Variants in TERB2 observed in about 807,000 individuals in gnomAD.
The protein encoded by TERB2 is telomere repeats-binding bouquet formation protein 2.
In TERB2, 26 loss-of-function variants were observed where a neutral mutation model predicts 29.8. The observed-to-expected ratio is 0.87, with a 90% CI of 0.64 to 1.21. TERB2 has a LOEUF of 1.21. Among genes scored for constraint, TERB2 ranks in the 50% most tolerant of loss-of-function variants. The probability of loss-of-function intolerance (pLI) is 0.00; values close to 1 mark genes in which losing one functional copy is unlikely to be tolerated. For missense variants in TERB2, 240 were observed against 268.6 expected (o/e 0.89, Z 0.74); for synonymous variants, 80 against 90.8 (o/e 0.88, Z 0.68).
At chr15:44,966,278 C>T in intron 5 of TERB2, 35 bp downstream of exon 5, 1 of 1,344,740 alleles carries the variant, frequency 7.4e-7, no homozygotes, top group Non-Finnish European at 9.9e-7. Context: ...ATATTCAATT[C>T]AATGTAGAAA....
At chr15:44,961,215 T>TATAC (rs1348617987) in intron 3 of TERB2, among the ~76,000 whole-genome samples, 78 of 132,796 alleles carry the variant, frequency 5.9e-4, no homozygotes, top group African/African-American at 1.8e-3. Flanking sequence ...TATATATATA[T>TATAC]ACACACACAC....
chr15:44,972,845 C>A (rs58282486), intron 5 of TERB2, among the ~76,000 whole-genome samples: 27,456 of 151,092 alleles, frequency 0.18, 2,886 homozygotes, highest in East Asian at 0.33. Flanking sequence ...TAAGAATATA[C>A]ATTTTTTTAG....
chr15:44,971,825 C>T (rs531536965), intron 5 of TERB2, among the ~76,000 whole-genome samples: 27 of 113,384 alleles, frequency 2.4e-4, no homozygotes, highest in Admixed American at 2.2e-3. Flanking sequence ...TCCTTTTCAT[C>T]CCCCCCCCTC....
intron 6 of TERB2, among the ~76,000 whole-genome samples, chr15:44,975,181 C>G (rs989081069): frequency 1.3e-5 from 2 of 152,110 alleles, no homozygotes; most frequent in African/African-American, 4.8e-5. Context: ...AATTTTTAAT[C>G]TTTTTATTTG....
intron 5 of TERB2, among the ~76,000 whole-genome samples, chr15:44,971,530 C>A (rs780280295): frequency 6.6e-6 from 1 of 152,010 alleles, no homozygotes; most frequent in African/African-American, 2.4e-5. Context: ...CCCAGGCAGG[C>A]GGATCACGAG....
chr15:44,971,628 G>A (rs1406745875), intron 5 of TERB2, among the ~76,000 whole-genome samples: 1 of 151,970 alleles, frequency 6.6e-6, no homozygotes, highest in African/African-American at 2.4e-5. Context: ...GGTGGCGGGT[G>A]CCTGTAGTCC....
chr15:44,960,346 G>C (rs1891781396), intron 3 of TERB2, among the ~76,000 whole-genome samples: 1 of 152,006 alleles, frequency 6.6e-6, no homozygotes, highest in Non-Finnish European at 1.5e-5. Flanking sequence ...ACATTACTAA[G>C]AATAAAAAAT....
At chr15:44,977,637 ATAGT>A (rs1198991058) in intron 6 of TERB2, among the ~76,000 whole-genome samples, 9 of 152,322 alleles carry the variant, frequency 5.9e-5, no homozygotes, top group East Asian at 3.9e-4. Flanking sequence ...GCTTCGATTG[ATAGT>A]TAATTTATTA....
chr15:44,978,744 C>T lies in TERB2; in HGVS notation c.*116C>T. On this transcript the variant is annotated 3_prime_UTR_variant, in exon 7 of 7. Transcript: ENST00000340827. ...GATAGTGAAATGGGAAATAATTTTTCTGTTTCTCAAAGTATATCTTTAGGA... is the reference window on the plus strand; with the variant it reads ...GATAGTGAAATGGGAAATAATTTTTTTGTTTCTCAAAGTATATCTTTAGGA... 7.9e-7 allele frequency: 1 copy of T among 1,259,780 alleles called. No individual in the cohort carries two copies. Among genetic ancestry groups the T allele is most frequent in the Non-Finnish European group, 1.0e-6 (1 of 973,976 alleles). The allele number at this position is 1,259,780 out of a possible 1,614,324, so 78.0% of individuals were successfully genotyped here. A position where few individuals can be genotyped will look rare whatever the true frequency, so the allele number is the denominator to read the frequency against.
chr15:44,970,410 C>T (rs1891950297), intron 5 of TERB2: 1 of 233,854 alleles, frequency 4.3e-6, no homozygotes, highest in Non-Finnish European at 8.9e-6. Context: ...TTCAATGCAT[C>T]TTACTGAGGT....
intron 4 of TERB2, among the ~76,000 whole-genome samples, chr15:44,962,516 G>C (rs1468972413): frequency 1.3e-5 from 2 of 152,120 alleles, no homozygotes; most frequent in Non-Finnish European, 2.9e-5. Flanking sequence ...TGCCAGTGTA[G>C]ACTCTGATTG....
chr15:44,976,690 G>A (rs1392466456), intron 6 of TERB2, among the ~76,000 whole-genome samples: 1 of 152,142 alleles, frequency 6.6e-6, no homozygotes, highest in Non-Finnish European at 1.5e-5. Flanking sequence ...ACAGATGCAT[G>A]TGGGATTGTC....
At chr15:44,965,467 T>C (rs1415421091) in intron 4 of TERB2, among the ~76,000 whole-genome samples, 3 of 144,210 alleles carry the variant, frequency 2.1e-5, no homozygotes, top group Admixed American at 7.1e-5. Context: ...AAGATATATA[T>C]ATTTATAAAG....
At chr15:44,970,874 T>A (rs971207433) in intron 5 of TERB2, 4 of 154,468 alleles carry the variant, frequency 2.6e-5, no homozygotes, top group African/African-American at 7.2e-5. Flanking sequence ...CTTTAAATCA[T>A]CTCTCAATGC....
At chr15:44,965,994 G>A (rs1233101126) in intron 4 of TERB2, among the ~76,000 whole-genome samples, 164 bp from the exon 5 acceptor site, 1 of 151,974 alleles carries the variant, frequency 6.6e-6, no homozygotes, top group Non-Finnish European at 1.5e-5. Flanking sequence ...AAAAAATTTT[G>A]TAAATTTTCT....
intron 6 of TERB2, among the ~76,000 whole-genome samples, chr15:44,977,435 T>G (rs1287366917): frequency 6.6e-6 from 1 of 152,216 alleles, no homozygotes; most frequent in Non-Finnish European, 1.5e-5. Flanking sequence ...TCTTCAGAGG[T>G]TTCACACAGT....
rs188197484 is a variant in TERB2, at chr15:44,964,228, T to C, written c.349-1930T>C. 2.5e-3 allele frequency among the ~76,000 whole-genome samples: 384 copies of C among 152,320 alleles called. 4 individuals are homozygous for C. Among genetic ancestry groups the C allele is most frequent in the African/African-American group, 8.9e-3 (368 of 41,566 alleles). On this transcript the variant is annotated intron_variant, in intron 4 of 6. Transcript: ENST00000340827. ...ACTTCAAACCCACAGCCATATCATA[T>C]AGAAAACCTTTACATTATGTCCAAA... is the stretch of plus-strand genomic sequence containing the variant.
intron 5 of TERB2, 123 bp downstream of exon 5, chr15:44,966,366 C>T: frequency 4.4e-6 from 2 of 458,838 alleles, no homozygotes; most frequent in Non-Finnish European, 7.2e-6. Flanking sequence ...TAATCATTCC[C>T]ATTATACAAA....
At chr15:44,971,311 C>T (rs1316591736) in intron 5 of TERB2, 3 of 152,216 alleles carry the variant, frequency 2.0e-5, no homozygotes, top group African/African-American at 7.2e-5. Flanking sequence ...CGAAAGCAGC[C>T]ACTCTGAGTT....
Sources: allele counts gnomAD v4.1 joint callset (sites outside exome capture counted in the v4.1 genomes callset), GRCh38; gene constraint gnomAD v4.1.1; transcripts MANE v1.5; gene names NCBI Gene and HGNC (gene_info 2026-07-23, HGNC 2026-07-21).